The following PLCB4 variants were observed in gnomAD, a reference collection of about 807,000 sequenced individuals.
PLCB4 encodes 1-phosphatidylinositol 4,5-bisphosphate phosphodiesterase beta-4.
In PLCB4, 77 loss-of-function variants were observed where a neutral mutation model predicts 178.8. The observed-to-expected ratio is 0.43, with a 90% CI of 0.36 to 0.52. PLCB4 has a LOEUF of 0.52. PLCB4 is among the 20% of genes least tolerant of loss of function. PLCB4 has a pLI of 0.00. For missense variants in PLCB4, 1,024 were observed against 1,453.4 expected (o/e 0.70, Z 4.80); for synonymous variants, 496 against 490.8 (o/e 1.01, Z -0.14).
chr20:9,393,848 T>C (rs1372726760), intron 18 of PLCB4, among the ~76,000 whole-genome samples, 170 bp downstream of exon 18: 1 of 152,202 alleles, frequency 6.6e-6, no homozygotes, highest in Non-Finnish European at 1.5e-5. Flanking sequence ...TTAAATTTAA[T>C]TTCCATATCA....
rs180938892 is a variant in PLCB4 at position 9,389,858 on chromosome 20, C to T, written c.1159-21C>T. ...TTTTTTTGCTCTTTTCTCTCATTAA[C>T]GTTTTTTTTTGTTTTTAAAGGATGT... On this transcript the variant is annotated intron_variant, in intron 15 of 39. Coordinates refer to ENST00000378473, the MANE Select transcript of PLCB4 (RefSeq NM_001377142.1). 6.4e-4 allele frequency: 870 copies of T among 1,365,144 alleles called. 6 individuals carry two copies. The African/African-American group carries it at 0.011, about 17-fold the overall frequency. 84.6% of individuals were successfully genotyped at this position (1,365,144 alleles called of 1,614,324 possible).
intron 3 of PLCB4, among the ~76,000 whole-genome samples, chr20:9,222,027 T>C (rs1484139321): frequency 2.7e-5 from 4 of 146,416 alleles, no homozygotes; most frequent in South Asian, 2.2e-4. Context: ...TATTTATTTA[T>C]TTTATTTTGT....
At chr20:9,377,774 G>A (rs2036799698) in intron 12 of PLCB4, among the ~76,000 whole-genome samples, 1 of 152,134 alleles carries the variant, frequency 6.6e-6, no homozygotes, top group African/African-American at 2.4e-5. Context: ...TTAATTGGGA[G>A]GACATCTGAA....
At chr20:9,090,770 A>G (rs972757373) in intron 1 of PLCB4, among the ~76,000 whole-genome samples, 3 of 152,276 alleles carry the variant, frequency 2.0e-5, no homozygotes, top group Middle Eastern at 3.4e-3. Flanking sequence ...GAGAATTTAT[A>G]AAGTTGTTAA....
At chr20:9,238,826 T>C (rs933749580) in intron 3 of PLCB4, among the ~76,000 whole-genome samples, 5 of 152,204 alleles carry the variant, frequency 3.3e-5, no homozygotes, top group Non-Finnish European at 7.3e-5. Context: ...GTTTGGAAAG[T>C]ATAACATTTT....
chr20:9,395,623 G>A lies in PLCB4; in HGVS notation c.1510+5G>A, dbSNP rs1412773611. ...ATGAAGAGGAGATCGAAAGTGGTGAGCTGTTTGCTTTTATTTTAAGTTACA... is the reference window on the plus strand; with the variant it reads ...ATGAAGAGGAGATCGAAAGTGGTGAACTGTTTGCTTTTATTTTAAGTTACA... On this transcript the variant is annotated splice_donor_5th_base_variant and intron_variant, in intron 19 of 39. Transcript: ENST00000378473. The A allele has an allele frequency of 1.3e-6, 2 of 1,589,572 alleles. No individual in the cohort carries two copies. Among genetic ancestry groups the A allele is most frequent in the Admixed American group, 1.7e-5 (1 of 59,968 alleles).
chr20:9,186,987 T>G (rs1021120788), intron 2 of PLCB4, among the ~76,000 whole-genome samples: 64 of 152,180 alleles, frequency 4.2e-4, no homozygotes, highest in African/African-American at 1.5e-3. Flanking sequence ...ATTATTATTA[T>G]TTTTTGAGAT....
intron 2 of PLCB4, among the ~76,000 whole-genome samples, chr20:9,193,808 G>C (rs576815974): frequency 6.6e-6 from 1 of 152,270 alleles, no homozygotes; most frequent in East Asian, 1.9e-4. Flanking sequence ...ATAACTTTCA[G>C]AGAGTATTTG....
At chr20:9,365,832 A>G (rs1197662230) in intron 9 of PLCB4, among the ~76,000 whole-genome samples, 1 of 152,200 alleles carries the variant, frequency 6.6e-6, no homozygotes, top group Non-Finnish European at 1.5e-5. Context: ...CTTATTTGCC[A>G]TGAGAAACTG....
rs755885635 is a variant in PLCB4, at chr20:9,372,397, A to G, written c.680A>G (p.Lys227Arg). Reference sequence around the variant, plus strand: ...CGGACAGATATAGAAGATCTTTTCAAAAAAATGTAAGTTCCACTTATGAGG... The same window carrying G: ...CGGACAGATATAGAAGATCTTTTCAGAAAAATGTAAGTTCCACTTATGAGG... ...CPRTDIEDLF[K>R]KINGDKTDYL... Residue 227 changes from lysine (K) to arginine (R), a missense_variant, in exon 11 of 40, where the codon AAA becomes AGA. Physicochemically the swap from Lys to Arg is conservative, Grantham distance 26 (BLOSUM62 2). Coordinates refer to ENST00000378473, the MANE Select transcript of PLCB4 (RefSeq NM_001377142.1). 17 of 1,529,676 alleles carry G rather than the reference A, an allele frequency of 1.1e-5. No homozygotes were observed. The South Asian group carries it at 1.8e-4, about 17-fold the overall frequency. The allele number at this position is 1,529,676 out of a possible 1,614,324, so 94.8% of individuals were successfully genotyped here. A position where few individuals can be genotyped will look rare whatever the true frequency, so the allele number is the denominator to read the frequency against.
intron 4 of PLCB4, among the ~76,000 whole-genome samples, chr20:9,313,679 T>TG (rs1203141108): frequency 2.0e-5 from 3 of 152,176 alleles, no homozygotes; most frequent in African/African-American, 7.2e-5. Context: ...CTATTAGAGT[T>TG]GGACATATGG....
intron 3 of PLCB4, among the ~76,000 whole-genome samples, chr20:9,247,684 G>C (rs1351980289): frequency 6.6e-6 from 1 of 152,208 alleles, no homozygotes; most frequent in East Asian, 1.9e-4. Context: ...CTTCCAAAGG[G>C]GCTTGAGGTA....
intron 25 of PLCB4, among the ~76,000 whole-genome samples, chr20:9,416,936 A>C (rs1278417575): frequency 6.6e-6 from 1 of 152,184 alleles, no homozygotes; most frequent in Non-Finnish European, 1.5e-5. Context: ...TTTCAAAACT[A>C]AGAAAAGTGA....
At chr20:9,472,950 CT>C in intron 37 of PLCB4, 103 bp downstream of exon 37, 1 of 672,074 alleles carries the variant, frequency 1.5e-6, no homozygotes, top group Non-Finnish European at 2.6e-6. Flanking sequence ...TTTGATTTTT[CT>C]GTACATTAAA....
chr20:9,459,866 T>G, intron 35 of PLCB4, 56 bp downstream of exon 35: 1 of 1,259,712 alleles, frequency 7.9e-7, no homozygotes, highest in Admixed American at 1.9e-5. Context: ...CAAAAGCTGA[T>G]TTTGTGTGTA....
intron 2 of PLCB4, among the ~76,000 whole-genome samples, chr20:9,179,089 A>AG (rs1460994403): frequency 2.0e-5 from 3 of 152,160 alleles, no homozygotes; most frequent in Non-Finnish European, 4.4e-5. Flanking sequence ...ATTTGTCTAG[A>AG]GGGGTATAGG....
chr20:9,340,528 T>C (rs1044240655), intron 7 of PLCB4, among the ~76,000 whole-genome samples: 7 of 152,168 alleles, frequency 4.6e-5, no homozygotes, highest in African/African-American at 1.7e-4. Context: ...CTTATTGTGG[T>C]GGTTTTATGC....
intron 18 of PLCB4, among the ~76,000 whole-genome samples, chr20:9,394,961 A>G (rs1006292688): frequency 6.6e-6 from 1 of 151,866 alleles, no homozygotes; most frequent in Non-Finnish European, 1.5e-5. Context: ...CCTTTTTTGC[A>G]TATTACTATT....
At chr20:9,113,453 T>C (rs2091659025) in intron 2 of PLCB4, among the ~76,000 whole-genome samples, 1 of 152,164 alleles carries the variant, frequency 6.6e-6, no homozygotes, top group Non-Finnish European at 1.5e-5. Context: ...CCATGGAAAG[T>C]GTTATTTTAT....
Sources: gnomAD v4.1 joint callset for allele counts (sites outside exome capture counted in the v4.1 genomes callset) on GRCh38, gnomAD v4.1.1 for gene constraint, MANE v1.5 for transcripts, NCBI Gene and HGNC (gene_info 2026-07-23, HGNC 2026-07-21) for gene names.